Variants in XRCC4 observed in about 807,000 individuals in gnomAD.
The protein encoded by XRCC4 is DNA repair protein XRCC4.
XRCC4 carries 28 observed loss-of-function variants against 39.1 expected under a neutral mutation model. The observed-to-expected ratio is 0.72, with a 90% CI of 0.53 to 0.98. XRCC4 has a LOEUF of 0.98. XRCC4 is among the 50% of genes least tolerant of loss of function. The probability of loss-of-function intolerance (pLI) is 0.00; values close to 1 mark genes in which losing one functional copy is unlikely to be tolerated. For synonymous variants in XRCC4, 123 were observed against 126.4 expected (o/e 0.97, Z 0.18); for missense variants, 350 against 376.4 (o/e 0.93, Z 0.58).
At chr5:83,078,071 G>T (rs940965436) in intron 1 of XRCC4, among the ~76,000 whole-genome samples, 2 of 152,224 alleles carry the variant, frequency 1.3e-5, no homozygotes, top group African/African-American at 2.4e-5. Context: ...TTGAGGTCAG[G>T]AAAGAACTTT....
intron 3 of XRCC4, among the ~76,000 whole-genome samples, chr5:83,158,585 G>A (rs539576305): frequency 1.3e-5 from 2 of 152,110 alleles, no homozygotes; most frequent in African/African-American, 2.4e-5. Flanking sequence ...AGGAAAGTGA[G>A]GAGGAAGTAA....
intron 3 of XRCC4, among the ~76,000 whole-genome samples, chr5:83,166,460 G>GTTTTT (rs200217928): frequency 3.5e-5 from 5 of 142,208 alleles, no homozygotes; most frequent in Non-Finnish European, 3.1e-5. Context: ...GTTCCTGTTT[G>GTTTTT]TTTTTTTTTT....
chr5:83,305,995 CAGGAA>C (rs1755470120), intron 7 of XRCC4, among the ~76,000 whole-genome samples: 1 of 152,134 alleles, frequency 6.6e-6, no homozygotes, highest in Non-Finnish European at 1.5e-5. Flanking sequence ...TTTATCAAGT[CAGGAA>C]AGTATAAGGA....
chr5:83,182,405 A>G (rs1750246492), intron 3 of XRCC4, among the ~76,000 whole-genome samples: 4 of 152,154 alleles, frequency 2.6e-5, no homozygotes, highest in Admixed American at 2.6e-4. Context: ...ACTCCCAAAA[A>G]CCAAACATCT....
intron 3 of XRCC4, among the ~76,000 whole-genome samples, chr5:83,113,839 G>T (rs539176247): frequency 6.6e-6 from 1 of 152,086 alleles, no homozygotes; most frequent in African/African-American, 2.4e-5. Flanking sequence ...TGTTAGCCAA[G>T]ATGGTCTCAA....
At chr5:83,091,726 A>G (rs746229245) in intron 1 of XRCC4, among the ~76,000 whole-genome samples, 1 of 152,150 alleles carries the variant, frequency 6.6e-6, no homozygotes, top group Non-Finnish European at 1.5e-5. Flanking sequence ...ATAGTGTTCC[A>G]TTGTGTGTAG....
intron 1 of XRCC4, among the ~76,000 whole-genome samples, chr5:83,097,173 T>C (rs1335203389): frequency 6.6e-6 from 1 of 152,172 alleles, no homozygotes; most frequent in African/African-American, 2.4e-5. Flanking sequence ...GAAATAAATA[T>C]GTAATTACTC....
intron 7 of XRCC4, among the ~76,000 whole-genome samples, chr5:83,316,677 A>G (rs1469120420): frequency 2.4e-5 from 3 of 123,574 alleles, no homozygotes; most frequent in Non-Finnish European, 5.0e-5. Context: ...TATGCACCCA[A>G]TACAGGAGCA....
At chr5:83,197,590 TG>T (rs1008400553) in intron 4 of XRCC4, among the ~76,000 whole-genome samples, 6 of 152,182 alleles carry the variant, frequency 3.9e-5, no homozygotes, top group African/African-American at 1.4e-4. Context: ...CACCCTGTGC[TG>T]TAACAGTGTG....
intron 7 of XRCC4, among the ~76,000 whole-genome samples, chr5:83,335,684 T>C (rs1756573769): frequency 6.6e-6 from 1 of 152,028 alleles, no homozygotes; most frequent in Non-Finnish European, 1.5e-5. Context: ...AAAATATTGG[T>C]TGAAGTAAGG....
chr5:83,089,937 A>G (rs938680799), intron 1 of XRCC4, among the ~76,000 whole-genome samples: 6 of 152,176 alleles, frequency 3.9e-5, no homozygotes, highest in Admixed American at 1.3e-4. Flanking sequence ...GAGAGGACAC[A>G]TAGGGAAAGT....
intron 7 of XRCC4, among the ~76,000 whole-genome samples, chr5:83,315,595 A>G (rs1406953216): frequency 6.6e-6 from 1 of 152,154 alleles, no homozygotes; most frequent in Admixed American, 6.6e-5. Context: ...CTCATTTATC[A>G]TTCTGAAAAT....
intron 6 of XRCC4, among the ~76,000 whole-genome samples, chr5:83,220,907 TTTTC>T (rs1752058478): frequency 6.6e-6 from 1 of 152,142 alleles, no homozygotes; most frequent in African/African-American, 2.4e-5. Flanking sequence ...AAGCTACATA[TTTTC>T]TTTCTTTTTC....
At chr5:83,335,386 T>G (rs903280988) in intron 7 of XRCC4, among the ~76,000 whole-genome samples, 12 of 151,916 alleles carry the variant, frequency 7.9e-5, no homozygotes, top group Non-Finnish European at 2.9e-5. Context: ...TGGGAAATTG[T>G]CACATAGTAC....
At position 83,150,781 on chromosome 5, in the gene XRCC4, T is replaced by C. The variant is rs1300726448; in HGVS notation, c.315+39578T>C. Reference sequence around the variant, plus strand: ...GCATGAGGAATTATTGGATTTACTATGGCTTGAATTGTTACCTCCATGATA... The same window carrying C: ...GCATGAGGAATTATTGGATTTACTACGGCTTGAATTGTTACCTCCATGATA... On this transcript the variant is annotated intron_variant, in intron 3 of 7. Coordinates refer to ENST00000396027, the MANE Select transcript of XRCC4 (RefSeq NM_003401.5). 4.6e-5 allele frequency among the ~76,000 whole-genome samples: 7 copies of C among 152,184 alleles called. No homozygotes were observed. In the East Asian group the frequency reaches 1.3e-3, roughly 29 times the overall value.
Position 83,293,133 on chromosome 5 carries a change from G to A in XRCC4, c.893+34456G>A, listed in dbSNP as rs28360275. On this transcript the variant is annotated intron_variant, in intron 7 of 7. Transcript: ENST00000396027. ...TACCTTCCCATGGTTTTATTCCCAG[G>A]CCACCACACCAGAGACTGTGTCTCT... 2.6e-3 allele frequency among the ~76,000 whole-genome samples: 398 copies of A among 151,854 alleles called. 1 individual carries two copies. Among genetic ancestry groups the A allele is most frequent in the African/African-American group, 9.2e-3 (381 of 41,484 alleles).
chr5:83,179,049 G>A (rs138318023), intron 3 of XRCC4, among the ~76,000 whole-genome samples: 45 of 152,290 alleles, frequency 3.0e-4, no homozygotes, highest in African/African-American at 1.1e-3. Flanking sequence ...GACCTGCCAT[G>A]TACTACTACA....
chr5:83,289,970 T>C (rs1754861035), intron 7 of XRCC4, among the ~76,000 whole-genome samples: 1 of 151,932 alleles, frequency 6.6e-6, no homozygotes, highest in Admixed American at 6.6e-5. Flanking sequence ...TCCCTAAGAC[T>C]GTGGCCTCCA....
intron 6 of XRCC4, among the ~76,000 whole-genome samples, chr5:83,224,243 G>C (rs936097865): frequency 1.3e-5 from 2 of 151,790 alleles, no homozygotes; most frequent in African/African-American, 4.8e-5. Flanking sequence ...TTCTATAGTA[G>C]AGTGCTTTTT....
Sources: gnomAD v4.1 joint callset for allele counts (sites outside exome capture counted in the v4.1 genomes callset) on GRCh38, gnomAD v4.1.1 for gene constraint, MANE v1.5 for transcripts, NCBI Gene and HGNC (gene_info 2026-07-23, HGNC 2026-07-21) for gene names.